The following TBC1D23 variants were observed in gnomAD, a reference collection of about 807,000 sequenced individuals.
The protein encoded by TBC1D23 is HCV non-structural protein 4A-transactivated protein 1.
A neutral mutation model predicts 91.4 loss-of-function variants in TBC1D23; 55 were observed. The observed-to-expected ratio is 0.60, with a 90% confidence interval of 0.48 to 0.75. The LOEUF is 0.75. TBC1D23 is among the 30% of genes least tolerant of loss of function. The pLI is 0.00. For synonymous variants in TBC1D23, 289 were observed against 281.0 expected (o/e 1.03, Z -0.28); for missense variants, 725 against 836.1 (o/e 0.87, Z 1.64).
intron 1 of TBC1D23, among the ~76,000 whole-genome samples, chr3:100,264,082 T>C (rs750971952): frequency 1.6e-4 from 25 of 152,188 alleles, no homozygotes; most frequent in African/African-American, 4.8e-4. Flanking sequence ...AGGAAGACTT[T>C]GGGATTGGGA....
intron 1 of TBC1D23, chr3:100,267,193 GA>G: frequency 4.5e-6 from 2 of 442,068 alleles, no homozygotes; most frequent in South Asian, 1.6e-5. Flanking sequence ...TAAACAGTTT[GA>G]AAAGGGGCAG....
In TBC1D23 at chr3:100,316,231, G is replaced by T. The variant is rs376049474; in HGVS notation, c.1687+44G>T. The stretch of plus-strand genomic sequence containing the variant: ...CTACAGACAGCTTTGCTGTCATTAG[G>T]AGTGATTACAGCAGTCATTCTGGGA... On this transcript the variant is annotated intron_variant, in intron 16 of 18. Coordinates refer to ENST00000394144, the MANE Select transcript of TBC1D23 (RefSeq NM_001199198.3). The T allele has an allele frequency of 5.2e-6, 7 of 1,355,770 alleles. No individual in the cohort carries two copies. In the South Asian group the frequency reaches 7.0e-5, roughly 14 times the overall value. The allele number at this position is 1,355,770 out of a possible 1,614,324, so 84.0% of individuals were successfully genotyped here.
intron 1 of TBC1D23, among the ~76,000 whole-genome samples, chr3:100,263,903 T>G (rs1017625381): frequency 5.9e-5 from 9 of 152,200 alleles, no homozygotes; most frequent in Non-Finnish European, 1.5e-5. Context: ...ATTTTTTCTC[T>G]TGTAGGATTG....
intron 10 of TBC1D23, among the ~76,000 whole-genome samples, chr3:100,301,014 G>A (rs969973601): frequency 6.6e-6 from 1 of 151,970 alleles, no homozygotes; most frequent in African/African-American, 2.4e-5. Context: ...GTATATGTGG[G>A]TTATTTTTTG....
At chr3:100,305,138 T>A (rs1179945480) in intron 12 of TBC1D23, among the ~76,000 whole-genome samples, 1 of 152,126 alleles carries the variant, frequency 6.6e-6, no homozygotes, top group Non-Finnish European at 1.5e-5. Flanking sequence ...TTTGTAAAGA[T>A]GAATGAAAAA....
In TBC1D23 at chr3:100,300,780, G is replaced by A. The variant is rs1181584090; in HGVS notation, c.1093-1287G>A. Among the ~76,000 whole-genome samples the A allele has an allele frequency of 3.3e-5, 5 of 152,192 alleles. No homozygotes were observed. The South Asian group carries it at 6.2e-4, about 19-fold the overall frequency. ...CTCCCAAAGTGCAGGGATTACAGGC[G>A]TGAGTCACCATGCCCGGCTTGAATT... is the stretch of plus-strand genomic sequence containing the variant. On this transcript the variant is annotated intron_variant, in intron 10 of 18. Transcript: ENST00000394144.
rs1354032553 is a variant in TBC1D23, at chr3:100,283,594, A to T, written c.272-13A>T. On this transcript the variant is annotated splice_polypyrimidine_tract_variant and intron_variant, in intron 3 of 18. Transcript: ENST00000394144. The stretch of plus-strand genomic sequence containing the variant: ...GGCCCTCAGTAACTTTATTTTTAAC[A>T]TTTATTTTCTAGACCAGCTTTCAGT... 1 of 1,608,548 alleles carries T rather than the reference A, an allele frequency of 6.2e-7. No homozygotes were observed. Among genetic ancestry groups the T allele is most frequent in the East Asian group, 2.2e-5 (1 of 44,830 alleles).
chr3:100,319,327 A>G, intron 17 of TBC1D23, 123 bp downstream of exon 17: 1 of 786,338 alleles, frequency 1.3e-6, no homozygotes, highest in East Asian at 2.7e-5. Context: ...CCTTCTGTCT[A>G]CTTGTATTAC....
chr3:100,299,214 A>G lies in TBC1D23; in HGVS notation c.1000-25A>G, dbSNP rs1705373221. 1.1e-5 allele frequency: 16 copies of G among 1,517,316 alleles called. No individual in the cohort carries two copies. The East Asian group carries it at 3.4e-4, about 32-fold the overall frequency. 94.0% of individuals were successfully genotyped at this position (1,517,316 alleles called of 1,614,324 possible). ...TGTGAACCTCATGGGAAATTCCTGT[A>G]TGTCAAATGTTGTTTCCGTTTTAGG... On this transcript the variant is annotated intron_variant, in intron 9 of 18. Transcript: ENST00000394144.
chr3:100,311,040 GT>G (rs1320900463), intron 14 of TBC1D23, among the ~76,000 whole-genome samples: 1 of 152,128 alleles, frequency 6.6e-6, no homozygotes, highest in Non-Finnish European at 1.5e-5. Flanking sequence ...GAGGGACATG[GT>G]TAACAATTTA....
chr3:100,261,356 G>A (rs1377248476), intron 1 of TBC1D23: 2 of 479,458 alleles, frequency 4.2e-6, no homozygotes, highest in African/African-American at 2.0e-5. Flanking sequence ...GCTGGAGTGG[G>A]TGGCTTCAGG....
chr3:100,284,072 G>A, intron 4 of TBC1D23: 2 of 373,590 alleles, frequency 5.4e-6, no homozygotes, highest in East Asian at 4.3e-5. Flanking sequence ...AGGTCAAAAG[G>A]ATACAAAATA....
At chr3:100,262,056 G>A (rs2067515551) in intron 1 of TBC1D23, among the ~76,000 whole-genome samples, 1 of 152,222 alleles carries the variant, frequency 6.6e-6, no homozygotes, top group Admixed American at 6.5e-5. Context: ...ATCGTTGAAA[G>A]GGATAGATAA....
rs867326357 is a variant in TBC1D23, at chr3:100,302,842, C to G, written c.1263+605C>G. 5.9e-5 allele frequency among the ~76,000 whole-genome samples: 9 copies of G among 152,290 alleles called. No homozygotes were observed. The Middle Eastern group carries it at 0.01, about 173-fold the overall frequency. On this transcript the variant is annotated intron_variant, in intron 11 of 18. Transcript: ENST00000394144. ...ACCTCAAGTGATCCGCCCTCCTCGG[C>G]CTCCTAGAGTGCTGGAATTACAGGC...
chr3:100,320,773 CA>C lies in TBC1D23; in HGVS notation c.1824-2del. 1 of 1,444,774 alleles carries C rather than the reference CA, an allele frequency of 6.9e-7. No homozygotes were observed. The highest frequency in any genetic ancestry group is 9.1e-7 in the Non-Finnish European group (1 of 1,093,176). 89.5% of individuals were successfully genotyped at this position (1,444,774 alleles called of 1,614,324 possible). A position where few individuals can be genotyped will look rare whatever the true frequency, so the allele number is the denominator to read the frequency against. ...TTTTCTTTTAATGCTTTTTTTGTCT[CA>C]AGTCATCTGTTGGTTACTGCAACAC... On this transcript the variant is annotated splice_polypyrimidine_tract_variant and splice_region_variant and intron_variant, in intron 17 of 18. Coordinates refer to ENST00000394144, the MANE Select transcript of TBC1D23 (RefSeq NM_001199198.3).
intron 15 of TBC1D23, among the ~76,000 whole-genome samples, chr3:100,314,041 T>C (rs1262707724): frequency 6.6e-6 from 1 of 150,596 alleles, no homozygotes; most frequent in Non-Finnish European, 1.5e-5. Flanking sequence ...ATTATATTTA[T>C]TGAGGAATGT....
chr3:100,291,980 G>C (rs2067795649), intron 5 of TBC1D23, among the ~76,000 whole-genome samples: 1 of 152,004 alleles, frequency 6.6e-6, no homozygotes, highest in Non-Finnish European at 1.5e-5. Flanking sequence ...GGCCAGGCTG[G>C]TCTCGAACTC....
chr3:100,311,478 T>C (rs1705623439), intron 14 of TBC1D23, among the ~76,000 whole-genome samples: 1 of 152,220 alleles, frequency 6.6e-6, no homozygotes, highest in South Asian at 2.1e-4. Flanking sequence ...CCTGAAAGAC[T>C]TGTTTATGCA....
chr3:100,267,737 C>T lies in TBC1D23; in HGVS notation c.53+6666C>T, dbSNP rs574111590. ...AAGAGTTTCAGATTTTGGAGCATTT[C>T]GGAGTTGGGATTCTTGGATTTGGGA... On this transcript the variant is annotated intron_variant, in intron 1 of 18. Transcript: ENST00000394144. Among the ~76,000 whole-genome samples, 7 of 152,240 alleles carry T rather than the reference C, an allele frequency of 4.6e-5. No homozygotes were observed. In the East Asian group the frequency reaches 5.8e-4, roughly 13 times the overall value.
Sources: allele counts gnomAD v4.1 joint callset (sites outside exome capture counted in the v4.1 genomes callset), GRCh38; gene constraint gnomAD v4.1.1; transcripts MANE v1.5; gene names NCBI Gene and HGNC (gene_info 2026-07-23, HGNC 2026-07-21).